SYNE1: variants seen among roughly 807,000 people sequenced by gnomAD.
SYNE1 encodes nesprin-1.
SYNE1 carries 616 observed loss-of-function variants against 1,111.0 expected under a neutral mutation model. The ratio of observed to expected loss-of-function variants is 0.55; its 90% CI spans 0.52 to 0.59. The LOEUF is 0.59. SYNE1 is among the 20% of genes least tolerant of loss of function. The pLI is 0.00. For synonymous variants in SYNE1, 3,855 were observed against 3,825.8 expected, an observed-to-expected ratio of 1.01 and a Z score of -0.28; for missense variants, 10,006 against 10,417.0, an observed-to-expected ratio of 0.96 and a Z score of 1.72.
Position 152,513,506 on chromosome 6 carries a change from G to A in SYNE1, c.310-2403C>T, listed in dbSNP as rs1231383991. ...GCGCCACCACACCCGGCTAATTTTTGCATTTTTAGTAGAGATGAAGTTTTG... is the reference window on the plus strand; with the variant it reads ...GCGCCACCACACCCGGCTAATTTTTACATTTTTAGTAGAGATGAAGTTTTG... On this transcript the variant is annotated intron_variant, in intron 6 of 145. Coordinates refer to ENST00000367255, the MANE Select transcript of SYNE1 (RefSeq NM_182961.4). Among the ~76,000 whole-genome samples, 9 of 152,154 alleles carry A rather than the reference G, an allele frequency of 5.9e-5. 1 individual carries two copies. The East Asian group carries it at 1.7e-3, about 29-fold the overall frequency.
chr6:152,474,372 C>T (rs1593434936), intron 14 of SYNE1, among the ~76,000 whole-genome samples: 1 of 152,144 alleles, frequency 6.6e-6, no homozygotes, highest in South Asian at 2.1e-4. Context: ...AACTAGATCA[C>T]AGACCTGTAG....
At chr6:152,623,730 A>G (rs539956314) in intron 3 of SYNE1, among the ~76,000 whole-genome samples, 9 of 152,160 alleles carry the variant, frequency 5.9e-5, no homozygotes, top group Non-Finnish European at 1.3e-4. Context: ...TTTGCAAAAG[A>G]AGAAGATATA....
intron 59 of SYNE1, among the ~76,000 whole-genome samples, chr6:152,372,714 C>G (rs1251356190): frequency 6.6e-6 from 1 of 152,176 alleles, no homozygotes; most frequent in African/African-American, 2.4e-5. Flanking sequence ...TTCTCCTAGA[C>G]CACCTTCCAG....
intron 4 of SYNE1, among the ~76,000 whole-genome samples, chr6:152,527,733 C>T (rs139027643): frequency 6.6e-6 from 1 of 152,160 alleles, no homozygotes; most frequent in Admixed American, 6.5e-5. Context: ...TATAAATATG[C>T]AAAAAGTAAG....
intron 3 of SYNE1, among the ~76,000 whole-genome samples, chr6:152,556,643 T>C (rs905171580): frequency 1.3e-5 from 2 of 152,174 alleles, no homozygotes; most frequent in African/African-American, 2.4e-5. Flanking sequence ...TTTACTCCCA[T>C]GGTCCAAAAT....
intron 72 of SYNE1, among the ~76,000 whole-genome samples, chr6:152,348,759 C>T (rs74296604): frequency 0.11 from 3,324 of 30,432 alleles, 72 homozygotes; most frequent in African/African-American, 0.2. Flanking sequence ...TTTTTTTTTT[C>T]CTGTTATATG....
At chr6:152,239,197 G>T (rs1329876461) in intron 108 of SYNE1, among the ~76,000 whole-genome samples, 1 of 152,280 alleles carries the variant, frequency 6.6e-6, no homozygotes, top group South Asian at 2.1e-4. Flanking sequence ...GATGACAGGT[G>T]TGAGCCACTG....
Position 152,563,124 on chromosome 6 carries a change from A to G in SYNE1, c.68-23103T>C, listed in dbSNP as rs2128237868. ...CACACATAGAGACAACAATAACAAA[A>G]TAGTACCTTTTATCATACCCGGAGT... On this transcript the variant is annotated intron_variant, in intron 3 of 145. Transcript: ENST00000367255. Among the ~76,000 whole-genome samples the G allele has an allele frequency of 2.6e-5, 4 of 152,186 alleles. No homozygotes were observed. In the South Asian group the frequency reaches 8.3e-4, roughly 32 times the overall value.
intron 139 of SYNE1, 94 bp from the exon 140 acceptor site, chr6:152,140,255 A>C (rs1313517639): frequency 8.0e-7 from 1 of 1,248,322 alleles, no homozygotes; most frequent in Non-Finnish European, 1.2e-6. Context: ...AATTTTAAAT[A>C]GCAACAGAAA....
Position 152,339,280 on chromosome 6 carries a change from C to T in SYNE1, c.12312G>A (p.Val4104=). 2 of 1,613,940 alleles carry T rather than the reference C, an allele frequency of 1.2e-6. No homozygotes were observed. The highest frequency in any genetic ancestry group is 8.5e-7 in the Non-Finnish European group (1 of 1,179,894). Residue 4104 remains valine, a synonymous_variant, in exon 75 of 146, where the codon GTG becomes GTA. Coordinates refer to ENST00000367255, the MANE Select transcript of SYNE1 (RefSeq NM_182961.4). ...GTTGAATGTCTTTTGCTGTGGTTTT[C>T]ACCGAAGCATTTGACAGGTCACACA... ...CSMCDLSNAS[V]KTTAKDIQQT...
intron 3 of SYNE1, among the ~76,000 whole-genome samples, chr6:152,605,548 G>A (rs968929909): frequency 1.3e-5 from 2 of 152,140 alleles, no homozygotes; most frequent in African/African-American, 4.8e-5. Context: ...ATATGTGGCT[G>A]ATTGTAAAGC....
At chr6:152,535,699 T>A (rs2099231728) in intron 4 of SYNE1, among the ~76,000 whole-genome samples, 1 of 152,194 alleles carries the variant, frequency 6.6e-6, no homozygotes, top group Admixed American at 6.5e-5. Flanking sequence ...TAGAAAATAA[T>A]CAATATAAAT....
In SYNE1 at chr6:152,472,397, G is replaced by A. The variant is rs769677615; in HGVS notation, c.1367C>T (p.Thr456Met). The change falls in exon 15 of 146, where the codon ACG becomes ATG. Residue 456 changes from threonine to methionine, a missense_variant. This residue lies in a region of SYNE1 where 1,971 missense variants were observed against 2,084.1 expected (regional missense o/e 0.95). Coordinates refer to ENST00000367255, the MANE Select transcript of SYNE1 (RefSeq NM_182961.4). ...ATGGAATGCTCTTTTGTGGGCATCC[G>A]TGTTTTGAAGCAGATCCTAAGATAC... is the stretch of plus-strand genomic sequence containing the variant. ...LEQHKDLLQN[T>M]DAHKRAFHEI... 1.9e-6 allele frequency: 3 copies of A among 1,613,646 alleles called. No individual in the cohort carries two copies. The highest frequency in any genetic ancestry group is 2.2e-5 in the East Asian group (1 of 44,876).
rs148105785 is a variant in SYNE1, at chr6:152,601,492, G to A, written c.67+26773C>T. 6.3e-3 allele frequency among the ~76,000 whole-genome samples: 953 copies of A among 152,200 alleles called. 9 individuals are homozygous for A. The highest frequency in any genetic ancestry group is 0.022 in the African/African-American group (897 of 41,516). ...GGCAAATACAAGACAGCCCAGTGTC[G>A]CCTACACAAGGTGAGGAAACTTCGC... On this transcript the variant is annotated intron_variant, in intron 3 of 145. Coordinates refer to ENST00000367255, the MANE Select transcript of SYNE1 (RefSeq NM_182961.4).
In SYNE1 at chr6:152,396,889, A is replaced by G; in HGVS notation, c.7442T>C (p.Ile2481Thr). 6.2e-7 allele frequency: 1 copy of G among 1,614,158 alleles called. No individual in the cohort carries two copies. Among genetic ancestry groups the G allele is most frequent in the Non-Finnish European group, 8.5e-7 (1 of 1,180,026 alleles). Residue 2481 changes from isoleucine to threonine, a missense_variant, in exon 50 of 146, where the codon ATT becomes ACT. This residue lies in a region of SYNE1 where 4,955 missense variants were observed against 5,017.2 expected (regional missense o/e 0.99). Transcript: ENST00000367255. ...GATTTGTTCTTGAATGCTACTGACA[A>G]TTTGTTTAGACAAATGTGCATACAA... ...QTLYAHLSKQ[I>T]VSSIQEQITK...
intron 127 of SYNE1, among the ~76,000 whole-genome samples, chr6:152,190,469 G>A (rs1024252912): frequency 9.2e-5 from 14 of 152,066 alleles, no homozygotes; most frequent in African/African-American, 3.4e-4. Context: ...TTTAATTTTT[G>A]TGGGTACATA....
rs1563797814 is a variant in SYNE1, at chr6:152,409,712, G to A, written c.6231-3C>T. 6.2e-7 allele frequency: 1 copy of A among 1,613,310 alleles called. No individual in the cohort carries two copies. Among genetic ancestry groups the A allele is most frequent in the Non-Finnish European group, 8.5e-7 (1 of 1,179,866 alleles). The stretch of plus-strand genomic sequence containing the variant: ...TAAGTCCACAGCACTGACCCTGACT[G>A]TAATGATTAAAGAAAATATATTATT... On this transcript the variant is annotated splice_region_variant and splice_polypyrimidine_tract_variant and intron_variant, in intron 42 of 145. Coordinates refer to ENST00000367255, the MANE Select transcript of SYNE1 (RefSeq NM_182961.4).
chr6:152,155,228 C>G, intron 132 of SYNE1, 186 bp from the exon 133 acceptor site: 1 of 615,026 alleles, frequency 1.6e-6, no homozygotes, highest in African/African-American at 1.8e-5. Context: ...TAAAATAAAA[C>G]GGCTGTTTTA....
intron 30 of SYNE1, 92 bp from the exon 31 acceptor site, chr6:152,442,337 AAGG>A: frequency 6.7e-7 from 1 of 1,485,074 alleles, no homozygotes; most frequent in South Asian, 1.1e-5. Context: ...GAAGTACAGA[AAGG>A]TGGGCCCGAA....
Sources: allele counts gnomAD v4.1 joint callset (sites outside exome capture counted in the v4.1 genomes callset), GRCh38; gene constraint gnomAD v4.1.1; regional missense constraint gnomAD v4.1.1; transcripts MANE v1.5; gene names NCBI Gene and HGNC (gene_info 2026-07-23, HGNC 2026-07-21).